Variants in CLN6 observed in about 807,000 individuals in gnomAD.
CLN6 encodes the protein ceroid-lipofuscinosis neuronal protein 6.
Under a neutral mutation model 33.3 loss-of-function variants are expected in CLN6, and 22 were observed. That is an observed-to-expected ratio of 0.66 (90% confidence interval 0.47 to 0.94). The LOEUF (loss-of-function observed/expected upper bound fraction) is 0.94. CLN6 is among the 40% of genes least tolerant of loss of function. CLN6 has a pLI of 0.00. For synonymous variants in CLN6, 201 were observed against 174.6 expected, an observed-to-expected ratio of 1.15 and a Z score of -1.19; for missense variants, 387 against 417.1, an observed-to-expected ratio of 0.93 and a Z score of 0.63.
In CLN6 at chr15:68,221,217, T is replaced by TC. The variant is rs1237803454; in HGVS notation, c.84-2568dup. Among the ~76,000 whole-genome samples the TC allele has an allele frequency of 9.1e-4, 104 of 114,816 alleles. 1 individual carries two copies. Among genetic ancestry groups the TC allele is most frequent in the Middle Eastern group, 4.2e-3 (1 of 236 alleles). The allele number at this position is 114,816 out of a possible 152,430, so 75.3% of individuals were successfully genotyped here. A position where few individuals can be genotyped will look rare whatever the true frequency, so the allele number is the denominator to read the frequency against. On this transcript the variant is annotated intron_variant, in intron 1 of 6. Coordinates refer to ENST00000249806, the MANE Select transcript of CLN6 (RefSeq NM_017882.3). The stretch of plus-strand genomic sequence containing the variant: ...AGATCAGGTTAGAAAGGGATCTCCC[T>TC]CCCCCCTCCCCCAACCCTCCCCCTC...
At chr15:68,243,801 C>T (rs1397759270) in intron 1 of CLN6, among the ~76,000 whole-genome samples, 6 of 150,416 alleles carry the variant, frequency 4.0e-5, no homozygotes, top group African/African-American at 1.2e-4. Flanking sequence ...TGGTGGCTCA[C>T]GCCTGTAATC....
rs1030365009 is a variant in CLN6 at position 68,227,853 on chromosome 15, A to G, written c.83+1649T>C. 1.3e-5 allele frequency among the ~76,000 whole-genome samples: 2 copies of G among 152,234 alleles called. No homozygotes were observed. The highest frequency in any genetic ancestry group is 4.8e-5 in the African/African-American group (2 of 41,460). On this transcript the variant is annotated intron_variant, in intron 1 of 6. Transcript: ENST00000249806. The surrounding 1 kb of genome is among the most constrained non-coding windows in gnomAD (Gnocchi z 4.1). ...GGAGATAAAGTGGTGACCCTATCTG[A>G]GACCCACAGGCTGTTCCCATTGGGC...
chr15:68,229,831 C>G (rs2093265108), upstream of CLN6: 1 of 277,498 alleles, frequency 3.6e-6, no homozygotes, highest in East Asian at 8.5e-5. Context: ...GGGCCGGGCG[C>G]TGCGAGTGTG....
At chr15:68,234,685 T>G (rs2141159234), upstream of CLN6, among the ~76,000 whole-genome samples, 1 of 152,324 alleles carries the variant, frequency 6.6e-6, no homozygotes, top group Middle Eastern at 3.4e-3. This position sits in a 1 kb window ranked among gnomAD's most constrained non-coding sequence, Gnocchi z 4.1. Flanking sequence ...ACTCTTTTCC[T>G]TATCATTTCT....
In CLN6 at chr15:68,256,860, G is replaced by A; in HGVS notation, c.9C>T (p.Ala3=). The change falls in exon 1 of 7, where the codon GCC becomes GCT. Residue 3 remains alanine, a synonymous_variant. Transcript: ENST00000538696. This position sits in a 1 kb window ranked among gnomAD's most constrained non-coding sequence, Gnocchi z 4.1. The stretch of plus-strand genomic sequence containing the variant: ...TCGCTCGCCGCTCCTTCCCGGCAAC[G>A]GCTGCCATTTTCCGCCCAGGCAAGG... 1 of 691,958 alleles carries A rather than the reference G, an allele frequency of 1.4e-6. No homozygotes were observed. The highest frequency in any genetic ancestry group is 2.6e-6 in the Non-Finnish European group (1 of 379,754). 42.9% of individuals were successfully genotyped at this position (691,958 alleles called of 1,614,324 possible). A position where few individuals can be genotyped will look rare whatever the true frequency, so the allele number is the denominator to read the frequency against.
chr15:68,235,616 ATATATATATATATATATC>A (rs1282767824), intron 1 of CLN6, among the ~76,000 whole-genome samples: 9 of 132,162 alleles, frequency 6.8e-5, no homozygotes, highest in African/African-American at 2.5e-4. Flanking sequence ...ATATATATAT[ATATATATATATATATATC>A]GATTAATCGA....
chr15:68,246,733 G>A lies in CLN6; in HGVS notation c.179+9957C>T, dbSNP rs1892332408. On this transcript the variant is annotated intron_variant, in intron 1 of 6. Coordinates refer to the CLN6 transcript ENST00000538696. The surrounding 1 kb of genome is among the most constrained non-coding windows in gnomAD (Gnocchi z 4.5). ...GAAAGAAATAATAAATATCAGAGCA[G>A]AAATAAATGAAATTAGGCTAAAATA... Among the ~76,000 whole-genome samples, 2 of 151,796 alleles carry A rather than the reference G, an allele frequency of 1.3e-5. No homozygotes were observed. Among genetic ancestry groups the A allele is most frequent in the African/African-American group, 4.8e-5 (2 of 41,262 alleles).
chr15:68,221,421 G>A (rs1007440765), intron 1 of CLN6, among the ~76,000 whole-genome samples: 22 of 152,086 alleles, frequency 1.4e-4, no homozygotes, highest in East Asian at 9.7e-4. Context: ...TGGTGGAGAC[G>A]GGGTTTCGCC....
At position 68,211,635 on chromosome 15, in the gene CLN6, C is replaced by T. The variant is rs1310096875; in HGVS notation, c.486+40G>A. The T allele has an allele frequency of 3.2e-5, 51 of 1,610,992 alleles. No homozygotes were observed. In the Admixed American group the frequency reaches 8.5e-4, roughly 27 times the overall value. ...CTTCAGCCTCCCAGGACAGACTGTG[C>T]TCCTAGGGCTTACAGGCAGGGAGCA... is the stretch of plus-strand genomic sequence containing the variant. On this transcript the variant is annotated intron_variant, in intron 4 of 6. Coordinates refer to ENST00000249806, the MANE Select transcript of CLN6 (RefSeq NM_017882.3). The surrounding 1 kb of genome is among the most constrained non-coding windows in gnomAD (Gnocchi z 5.9).
At chr15:68,230,977 C>T (rs2093267633), upstream of CLN6, among the ~76,000 whole-genome samples, 2 of 152,330 alleles carry the variant, frequency 1.3e-5, no homozygotes, top group South Asian at 4.1e-4. The surrounding 1 kb of genome is among the most constrained non-coding windows in gnomAD (Gnocchi z 4.0). Context: ...GGATGTGCCT[C>T]TTGGAAGGGA....
At chr15:68,224,404 A>T (rs185866904) in intron 1 of CLN6, among the ~76,000 whole-genome samples, 1 of 151,680 alleles carries the variant, frequency 6.6e-6, no homozygotes, top group Non-Finnish European at 1.5e-5. Context: ...GGCAGATCAC[A>T]TGAGGCCAGG....
Position 68,209,620 on chromosome 15 carries a change from T to C in CLN6, c.665+17A>G, listed in dbSNP as rs1312063880. 6.2e-7 allele frequency: 1 copy of C among 1,611,670 alleles called. No individual in the cohort carries two copies. ...CTCAGTGCCCCTGCCTCTGCCCCCATGCTGATGTCCACTCACCAGTAGTAC... is the reference window on the plus strand; with the variant it reads ...CTCAGTGCCCCTGCCTCTGCCCCCACGCTGATGTCCACTCACCAGTAGTAC... On this transcript the variant is annotated intron_variant, in intron 6 of 6. Transcript: ENST00000249806. This position sits in a 1 kb window ranked among gnomAD's most constrained non-coding sequence, Gnocchi z 4.9.
At position 68,236,883 on chromosome 15, in the gene CLN6, C is replaced by T. The variant is rs576610553; in HGVS notation, c.180-18233G>A. On this transcript the variant is annotated intron_variant, in intron 1 of 6. Transcript: ENST00000538696. This position sits in a 1 kb window ranked among gnomAD's most constrained non-coding sequence, Gnocchi z 4.5. ...TTAAAACTGAATGGAGGCGGCCGGG[C>T]GCGGTGGCTCACGCCTGTAATCCCA... is the stretch of plus-strand genomic sequence containing the variant. Among the ~76,000 whole-genome samples, 4 of 151,816 alleles carry T rather than the reference C, an allele frequency of 2.6e-5. No individual in the cohort carries two copies. Among genetic ancestry groups the T allele is most frequent in the African/African-American group, 9.7e-5 (4 of 41,390 alleles).
chr15:68,255,035 ACACTT>A, intron 1 of CLN6: 3 of 643,920 alleles, frequency 4.7e-6, no homozygotes, highest in Non-Finnish European at 8.4e-6. Context: ...AGCACACAGA[ACACTT>A]CACTGTGTTT....
chr15:68,245,838 GAC>G (rs1892324930), intron 1 of CLN6, among the ~76,000 whole-genome samples: 1 of 151,962 alleles, frequency 6.6e-6, no homozygotes, highest in Admixed American at 6.6e-5. Flanking sequence ...TACCAATAGA[GAC>G]ACACATAGAC....
At chr15:68,217,243 G>GT (rs1207388109) in intron 2 of CLN6, among the ~76,000 whole-genome samples, 3 of 152,090 alleles carry the variant, frequency 2.0e-5, no homozygotes, top group African/African-American at 7.2e-5. Flanking sequence ...TGTTTGTTTT[G>GT]TTTTTTGAGA....
chr15:68,209,561 A>T lies in CLN6; in HGVS notation c.665+76T>A. On this transcript the variant is annotated intron_variant, in intron 6 of 6. Coordinates refer to ENST00000249806, the MANE Select transcript of CLN6 (RefSeq NM_017882.3). This position sits in a 1 kb window ranked among gnomAD's most constrained non-coding sequence, Gnocchi z 4.9. ...CTCCCTGGGGCCACACAGCAGGTCC[A>T]TTGGCAAGTGCAGAATTTTGCTGCC... 2.5e-6 allele frequency: 4 copies of T among 1,593,770 alleles called. No homozygotes were observed. The highest frequency in any genetic ancestry group is 3.4e-6 in the Non-Finnish European group (4 of 1,171,188).
At position 68,227,285 on chromosome 15, in the gene CLN6, C is replaced by A. The variant is rs1379645470; in HGVS notation, c.83+2217G>T. ...AACTCCTGGACTCAAGTGATCCACC[C>A]ACCTTGGCCTCCCAAAGTGCTGGGA... On this transcript the variant is annotated intron_variant, in intron 1 of 6. Transcript: ENST00000249806. This position sits in a 1 kb window ranked among gnomAD's most constrained non-coding sequence, Gnocchi z 4.1. Among the ~76,000 whole-genome samples the A allele has an allele frequency of 6.6e-6, 1 of 152,108 alleles. No individual in the cohort carries two copies. The highest frequency in any genetic ancestry group is 1.9e-4 in the East Asian group (1 of 5,194).
At chr15:68,229,469 C>T (rs927409420) in intron 1 of CLN6, 33 bp downstream of exon 1, 1 of 1,444,736 alleles carries the variant, frequency 6.9e-7, no homozygotes, top group Non-Finnish European at 9.1e-7. Flanking sequence ...GCACAGGCGC[C>T]TAGCCCGCCC....
Sources: allele counts gnomAD v4.1 joint callset (sites outside exome capture counted in the v4.1 genomes callset), GRCh38; gene constraint gnomAD v4.1.1; non-coding constraint Gnocchi (gnomAD v3.1); transcripts MANE v1.5; gene names NCBI Gene and HGNC (gene_info 2026-07-23, HGNC 2026-07-21).